The following BRWD1 variants were observed in gnomAD, a reference collection of about 807,000 sequenced individuals.
The protein encoded by BRWD1 is bromodomain and WD repeat-containing protein 1.
A neutral mutation model predicts 251.2 loss-of-function variants in BRWD1; 82 were observed. That is an observed-to-expected ratio of 0.33 (90% confidence interval 0.27 to 0.39). The LOEUF is 0.39. Ranked by LOEUF, BRWD1 falls within the 10% of genes least tolerant of loss-of-function variation. The pLI, the probability that BRWD1 is intolerant of heterozygous loss-of-function variation, is 1.00. For missense variants in BRWD1, 2,233 were observed against 2,711.6 expected (o/e 0.82, Z 3.92); for synonymous variants, 918 against 902.8 (o/e 1.02, Z -0.30).
Position 39,212,697 on chromosome 21 carries a change from T to C in BRWD1, c.3869A>G (p.Asp1290Gly). 2 of 1,577,088 alleles carry C rather than the reference T, an allele frequency of 1.3e-6. No individual in the cohort carries two copies. Among genetic ancestry groups the C allele is most frequent in the East Asian group, 2.2e-5 (1 of 44,610 alleles). The stretch of plus-strand genomic sequence containing the variant: ...CCTTCCAGAAGATGTTTTAGGAAGA[T>C]CACTATCATCCTAGGAATAAAATCA... The part of the protein sequence containing the change: ...EQNAEDLDDS[D>G]LPKTSSGRRR... The change falls in exon 34 of 41, where the codon GAT (aspartate) becomes GGT (glycine). Residue 1290 changes from aspartate (D) to glycine (G), a missense_variant. Coordinates refer to ENST00000342449, the MANE Select transcript of BRWD1 (RefSeq NM_033656.4).
At chr21:39,295,455 G>T (rs2035937518) in intron 7 of BRWD1, among the ~76,000 whole-genome samples, 2 of 152,088 alleles carry the variant, frequency 1.3e-5, no homozygotes, top group African/African-American at 4.8e-5. Context: ...CCAAAGTGCT[G>T]GGATTACAGG....
intron 4 of BRWD1, chr21:39,312,526 T>G (rs2036523436): frequency 3.9e-6 from 1 of 258,376 alleles, no homozygotes; most frequent in Non-Finnish European, 7.6e-6. Context: ...AACCGCCCAG[T>G]TGAATGGCTG....
At position 39,189,614 on chromosome 21, in the gene BRWD1, A is replaced by T; in HGVS notation, c.*6645T>A. 1 of 982,266 alleles carries T rather than the reference A, an allele frequency of 1.0e-6. No individual in the cohort carries two copies. Among genetic ancestry groups the T allele is most frequent in the Non-Finnish European group, 1.2e-6 (1 of 827,038 alleles). 60.8% of individuals were successfully genotyped at this position (982,266 alleles called of 1,614,324 possible). A position where few individuals can be genotyped will look rare whatever the true frequency, so the allele number is the denominator to read the frequency against. On this transcript the variant is annotated 3_prime_UTR_variant, in exon 41 of 41. Transcript: ENST00000342449. ...GATAAAGCTGAATCTCTTAAGTCTTAGACAATAAAACAGGAATTTCAGAGA... is the reference window on the plus strand; with the variant it reads ...GATAAAGCTGAATCTCTTAAGTCTTTGACAATAAAACAGGAATTTCAGAGA...
intron 7 of BRWD1, among the ~76,000 whole-genome samples, chr21:39,294,351 C>A (rs1036166919): frequency 1.3e-5 from 2 of 152,156 alleles, no homozygotes; most frequent in African/African-American, 4.8e-5. Flanking sequence ...CTTATATCAA[C>A]TAACAATGGT....
At chr21:39,294,095 TACC>T (rs1304620739) in intron 7 of BRWD1, 63 bp from the exon 8 acceptor site, 1 of 1,306,868 alleles carries the variant, frequency 7.7e-7, no homozygotes, top group African/African-American at 1.5e-5. Context: ...ATTAAAAGAA[TACC>T]TTTTATATGC....
Position 39,187,540 on chromosome 21 carries a change from G to T in BRWD1, c.*8719C>A, listed in dbSNP as rs1601209022. On this transcript the variant is annotated 3_prime_UTR_variant, in exon 41 of 41. Transcript: ENST00000342449. ...AAATTTAAAAGTCATATTGCTAAAT[G>T]ATAAATTTTAAAATGTGATACTAAG... is the stretch of plus-strand genomic sequence containing the variant. 7.2e-7 allele frequency: 1 copy of T among 1,397,386 alleles called. No individual in the cohort carries two copies. Among genetic ancestry groups the T allele is most frequent in the Non-Finnish European group, 9.3e-7 (1 of 1,080,956 alleles). The allele number at this position is 1,397,386 out of a possible 1,614,324, so 86.6% of individuals were successfully genotyped here.
chr21:39,285,331 G>A (rs958105288), intron 8 of BRWD1, among the ~76,000 whole-genome samples: 2 of 152,168 alleles, frequency 1.3e-5, no homozygotes, highest in South Asian at 2.1e-4. Context: ...TATGGGGGAA[G>A]GGGGGGACCA....
intron 29 of BRWD1, among the ~76,000 whole-genome samples, chr21:39,223,613 G>A (rs1331583959): frequency 1.3e-5 from 2 of 152,198 alleles, no homozygotes; most frequent in African/African-American, 4.8e-5. Context: ...TGTTGGAGGG[G>A]ATGAGCTAAG....
In BRWD1 at chr21:39,206,255, C is replaced by A. The variant is rs1200741662; in HGVS notation, c.4217G>T (p.Arg1406Ile). The A allele has an allele frequency of 6.3e-7, 1 of 1,594,614 alleles. No individual in the cohort carries two copies. The highest frequency in any genetic ancestry group is 8.6e-7 in the Non-Finnish European group (1 of 1,165,528). Residue 1406 changes from arginine (R) to isoleucine (I), a missense_variant, in exon 37 of 41, where the codon AGA becomes ATA. Physicochemically the swap from Arg to Ile is moderately conservative, Grantham distance 97 (BLOSUM62 -3). Coordinates refer to ENST00000342449, the MANE Select transcript of BRWD1 (RefSeq NM_033656.4). ...KRSKIYSMTL[R>I]LSALFEEKMK... is the part of the protein sequence containing the mutation. ...TTTTTCTTCAAATAAGGCAGATAAT[C>A]TCAAGGTCATACTATAAATCTGCAA...
chr21:39,233,456 AAAT>A (rs2033695423), intron 23 of BRWD1, among the ~76,000 whole-genome samples: 1 of 150,800 alleles, frequency 6.6e-6, no homozygotes, highest in Non-Finnish European at 1.5e-5. Flanking sequence ...CAGTGTACAC[AAAT>A]AAATAGGGAT....
Position 39,250,972 on chromosome 21 carries a change from C to A in BRWD1, c.2256-83G>T, listed in dbSNP as rs1002400652. On this transcript the variant is annotated intron_variant, in intron 19 of 40. Coordinates refer to ENST00000342449, the MANE Select transcript of BRWD1 (RefSeq NM_033656.4). ...ATAAAGAATAAAAACCAGTGTGATT[C>A]TATAAATCATAAGTTTATGTACTTT... 5.1e-6 allele frequency: 4 copies of A among 784,894 alleles called. No individual in the cohort carries two copies. The Admixed American group carries it at 1.4e-4, about 27-fold the overall frequency. 48.6% of individuals were successfully genotyped at this position (784,894 alleles called of 1,614,324 possible).
At chr21:39,185,295 T>TAAA (rs10525862), downstream of BRWD1, 1,842 of 71,748 alleles carry the variant, frequency 0.026, 175 homozygotes, top group African/African-American at 0.057. Flanking sequence ...CTGAAATTGC[T>TAAA]AAAAAAAAAA....
At chr21:39,203,051 C>T (rs2032189793) in intron 37 of BRWD1, among the ~76,000 whole-genome samples, 1 of 152,324 alleles carries the variant, frequency 6.6e-6, no homozygotes, top group East Asian at 1.9e-4. Flanking sequence ...TCTAACTGCA[C>T]CCATTCACCA....
chr21:39,233,161 T>A (rs1469971528), intron 23 of BRWD1, among the ~76,000 whole-genome samples: 3 of 152,070 alleles, frequency 2.0e-5, no homozygotes, highest in Non-Finnish European at 4.4e-5. Context: ...GAGAGACCTG[T>A]GTGGCAAGGA....
chr21:39,195,175 T>G lies in BRWD1; in HGVS notation c.*1084A>C, dbSNP rs1384993980. 1 of 1,062,084 alleles carries G rather than the reference T, an allele frequency of 9.4e-7. No homozygotes were observed. The highest frequency in any genetic ancestry group is 8.2e-5 in the East Asian group (1 of 12,134). 65.8% of individuals were successfully genotyped at this position (1,062,084 alleles called of 1,614,324 possible). ...TACATTTAGTTGCCCCAGCAAAGAA[T>G]GCTTAGGATTGCACATGGAAGCAGT... On this transcript the variant is annotated 3_prime_UTR_variant, in exon 41 of 41. Coordinates refer to ENST00000342449, the MANE Select transcript of BRWD1 (RefSeq NM_033656.4).
Position 39,194,213 on chromosome 21 carries a change from T to A in BRWD1, c.*2046A>T. The stretch of plus-strand genomic sequence containing the variant: ...AGCCTAAACTGTCAAAATATTGTTT[T>A]ATACCAAAAGAATGTATGTACTTAT... On this transcript the variant is annotated 3_prime_UTR_variant, in exon 41 of 41. Transcript: ENST00000342449. 2 of 982,870 alleles carry A rather than the reference T, an allele frequency of 2.0e-6. No homozygotes were observed. Among genetic ancestry groups the A allele is most frequent in the Non-Finnish European group, 2.4e-6 (2 of 826,872 alleles). 60.9% of individuals were successfully genotyped at this position (982,870 alleles called of 1,614,324 possible). A position where few individuals can be genotyped will look rare whatever the true frequency, so the allele number is the denominator to read the frequency against.
At chr21:39,215,187 A>G in intron 32 of BRWD1, 50 bp downstream of exon 32, 3 of 1,583,850 alleles carry the variant, frequency 1.9e-6, no homozygotes, top group Non-Finnish European at 2.6e-6. Context: ...GATGATTGTT[A>G]ATAGCACAAT....
In BRWD1 at chr21:39,218,643, A is replaced by C; in HGVS notation, c.3400T>G (p.Leu1134Val). ...IPDNVDPPEE[L>V]GASISVTTDE... Reference sequence around the variant, plus strand: ...GTTGTGACAGAAATACTAGCTCCTAATTCTTCAGGTGGATCAACTATGAAT... The same window carrying C: ...GTTGTGACAGAAATACTAGCTCCTACTTCTTCAGGTGGATCAACTATGAAT... The change falls in exon 30 of 41, where the codon TTA becomes GTA. Residue 1134 changes from leucine to valine, a missense_variant. Coordinates refer to ENST00000342449, the MANE Select transcript of BRWD1 (RefSeq NM_033656.4). The C allele has an allele frequency of 1.2e-6, 2 of 1,600,798 alleles. No homozygotes were observed. The highest frequency in any genetic ancestry group is 1.7e-6 in the Non-Finnish European group (2 of 1,176,866).
chr21:39,241,910 T>C (rs1427851216), intron 21 of BRWD1, among the ~76,000 whole-genome samples: 1 of 152,236 alleles, frequency 6.6e-6, no homozygotes. Flanking sequence ...CTATTCTAAT[T>C]GTTTTGGGGG....
Sources: allele counts gnomAD v4.1 joint callset (sites outside exome capture counted in the v4.1 genomes callset), GRCh38; gene constraint gnomAD v4.1.1; transcripts MANE v1.5; gene names NCBI Gene and HGNC (gene_info 2026-07-23, HGNC 2026-07-21).